SAMD12: variants seen among roughly 807,000 people sequenced by gnomAD.
SAMD12 encodes the protein sterile alpha motif domain containing 12, also known as sterile alpha motif domain-containing protein 12.
SAMD12 carries 9 observed loss-of-function variants against 15.0 expected under a neutral mutation model. The observed-to-expected ratio is 0.60, with a 90% CI of 0.36 to 1.05. The LOEUF is 1.05. SAMD12 is among the 50% of genes least tolerant of loss of function. The pLI is 0.01. For missense variants in SAMD12, 230 were observed against 234.2 expected, an observed-to-expected ratio of 0.98 and a Z score of 0.12; for synonymous variants, 86 against 90.1, an observed-to-expected ratio of 0.96 and a Z score of 0.25.
chr8:118,203,923 T>TG (rs1416015155), intron 4 of SAMD12, among the ~76,000 whole-genome samples: 1 of 151,918 alleles, frequency 6.6e-6, no homozygotes, highest in Non-Finnish European at 1.5e-5. Flanking sequence ...ATCCTTTTTT[T>TG]TTTGTTTGTT....
chr8:118,182,718 G>A, the SAMD12 span, among the ~76,000 whole-genome samples: 1 of 152,130 alleles, frequency 6.6e-6, no homozygotes, highest in Non-Finnish European at 1.5e-5. Context: ...TCTCACCCCA[G>A]TATAAGTCAA....
chr8:118,291,885 C>A (rs1219228913), intron 4 of SAMD12, among the ~76,000 whole-genome samples: 1 of 150,938 alleles, frequency 6.6e-6, no homozygotes, highest in Non-Finnish European at 1.5e-5. Context: ...TGACTCATTG[C>A]CAACACCCTG....
At chr8:118,418,776 G>A (rs1056550437) in intron 3 of SAMD12, among the ~76,000 whole-genome samples, 2 of 151,478 alleles carry the variant, frequency 1.3e-5, no homozygotes, top group Non-Finnish European at 2.9e-5. Context: ...GAAAGGACAA[G>A]GATAGTTTTT....
intron 4 of SAMD12, among the ~76,000 whole-genome samples, chr8:118,279,802 T>G (rs796581630): frequency 1.8e-4 from 28 of 152,360 alleles, no homozygotes; most frequent in African/African-American, 6.7e-4. Flanking sequence ...TTCCCATACA[T>G]CTGAGATTTC....
rs72678165 is a variant in SAMD12, at chr8:118,581,741, T to C, written c.14-848A>G. ...TGTAAGATCCATGCATTCCACTACA[T>C]AAACCACCATGTATGTCTGTGTGCA... is the stretch of plus-strand genomic sequence containing the variant. On this transcript the variant is annotated intron_variant, in intron 1 of 3. Coordinates refer to ENST00000314727, the MANE Select transcript of SAMD12 (RefSeq NM_207506.3). Among the ~76,000 whole-genome samples, 1,293 of 152,318 alleles carry C rather than the reference T, an allele frequency of 8.5e-3. 6 individuals carry two copies. The highest frequency in any genetic ancestry group is 0.016 in the Admixed American group (249 of 15,294).
chr8:118,212,311 T>TA (rs988098772), intron 4 of SAMD12, among the ~76,000 whole-genome samples: 7 of 151,946 alleles, frequency 4.6e-5, no homozygotes, highest in African/African-American at 1.7e-4. Context: ...AAAGTACATT[T>TA]AAAAAAAATG....
At chr8:118,547,370 GT>G (rs1826161863) in intron 2 of SAMD12, among the ~76,000 whole-genome samples, 1 of 152,042 alleles carries the variant, frequency 6.6e-6, no homozygotes, top group Admixed American at 6.5e-5. Flanking sequence ...AGTAAGGCTA[GT>G]TTCTCCCCTC....
chr8:118,573,239 C>T (rs1272327225), intron 2 of SAMD12, among the ~76,000 whole-genome samples: 4 of 152,124 alleles, frequency 2.6e-5, no homozygotes, highest in African/African-American at 9.7e-5. Flanking sequence ...CACCTGCCAC[C>T]ATGCCAGGCT....
intron 2 of SAMD12, among the ~76,000 whole-genome samples, chr8:118,470,247 T>C (rs1253979714): frequency 6.9e-6 from 1 of 145,156 alleles, no homozygotes; most frequent in Non-Finnish European, 1.5e-5. Context: ...TGTTATCTTT[T>C]TTTTTTTTTT....
chr8:118,245,409 AG>A lies in SAMD12; in HGVS notation c.434-47678del, dbSNP rs372056487. Among the ~76,000 whole-genome samples the A allele has an allele frequency of 1.1e-4, 17 of 152,252 alleles. No individual in the cohort carries two copies. In the East Asian group the frequency reaches 3.1e-3, roughly 28 times the overall value. ...TAGTCTGGATGCCGCAAGGGGAGGA[AG>A]GGAGTGTAACAATTTGGCCATAAAC... On this transcript the variant is annotated intron_variant, in intron 4 of 4. Coordinates refer to the SAMD12 transcript ENST00000409003.
intron 3 of SAMD12, among the ~76,000 whole-genome samples, chr8:118,394,022 TAAGTGACAAA>T (rs144049473): frequency 0.71 from 106,946 of 151,688 alleles, 38,884 homozygotes; most frequent in African/African-American, 0.85. Flanking sequence ...CCCTATTTGA[TAAGTGACAAA>T]AATTTGAGGA....
chr8:118,426,840 T>C (rs577527115), intron 3 of SAMD12, among the ~76,000 whole-genome samples: 57 of 152,372 alleles, frequency 3.7e-4, no homozygotes, highest in African/African-American at 1.4e-3. Flanking sequence ...CTTTGGTTTA[T>C]AAAATGGTGG....
the SAMD12 span, among the ~76,000 whole-genome samples, chr8:118,158,620 G>C: frequency 6.6e-6 from 1 of 152,370 alleles, no homozygotes; most frequent in Admixed American, 6.5e-5. Flanking sequence ...CCACCTTCAA[G>C]CCAGGGATAG....
chr8:118,465,310 T>C (rs1457371773), intron 2 of SAMD12, among the ~76,000 whole-genome samples: 1 of 152,170 alleles, frequency 6.6e-6, no homozygotes, highest in Admixed American at 6.5e-5. Context: ...CTAATACGAT[T>C]ACTCAACTTT....
intron 4 of SAMD12, among the ~76,000 whole-genome samples, chr8:118,217,013 CT>C (rs1023904906): frequency 1.3e-5 from 2 of 151,298 alleles, no homozygotes; most frequent in Non-Finnish European, 3.0e-5. Flanking sequence ...TGGTCTCTAC[CT>C]TTTTTTTTGA....
At chr8:118,490,984 A>T (rs1290933726) in intron 2 of SAMD12, among the ~76,000 whole-genome samples, 1 of 151,848 alleles carries the variant, frequency 6.6e-6, no homozygotes. Context: ...GCTCTGCTAC[A>T]CCAGTTATAT....
chr8:118,265,714 T>C (rs1219817064), intron 4 of SAMD12, among the ~76,000 whole-genome samples: 1 of 151,848 alleles, frequency 6.6e-6, no homozygotes, highest in African/African-American at 2.4e-5. Context: ...AATAGGCTCA[T>C]GGATACTTAA....
At chr8:118,322,022 A>G (rs549714492) in intron 4 of SAMD12, among the ~76,000 whole-genome samples, 17 of 152,280 alleles carry the variant, frequency 1.1e-4, no homozygotes, top group Admixed American at 3.9e-4. Context: ...CTGGAAGATT[A>G]TCCCTCCTGT....
At chr8:118,459,874 G>C (rs907970580) in intron 2 of SAMD12, among the ~76,000 whole-genome samples, 5 of 152,168 alleles carry the variant, frequency 3.3e-5, no homozygotes, top group Admixed American at 2.0e-4. Flanking sequence ...GCCCACACAT[G>C]ACTTACATTC....
Sources: allele counts gnomAD v4.1 joint callset (sites outside exome capture counted in the v4.1 genomes callset), GRCh38; gene constraint gnomAD v4.1.1; transcripts MANE v1.5; gene names NCBI Gene and HGNC (gene_info 2026-07-23, HGNC 2026-07-21).